Variants in RBFOX1 observed in about 807,000 individuals in gnomAD.
RBFOX1 encodes RNA binding fox-1 homolog 1.
RBFOX1 carries 8 observed loss-of-function variants against 57.7 expected under a neutral mutation model. That is an observed-to-expected ratio of 0.14 (90% CI 0.08 to 0.25). The LOEUF (loss-of-function observed/expected upper bound fraction) is 0.25. Ranked by LOEUF, RBFOX1 falls within the 10% of genes least tolerant of loss-of-function variation. The pLI, the probability that RBFOX1 is intolerant of heterozygous loss-of-function variation, is 1.00. For missense variants in RBFOX1, 611 were observed against 548.5 expected (o/e 1.11, Z -1.14); for synonymous variants, 326 against 222.4 (o/e 1.47, Z -4.15).
intron 2 of RBFOX1, among the ~76,000 whole-genome samples, chr16:6,405,469 G>A (rs1891332): frequency 0.22 from 33,161 of 152,002 alleles, 6,350 homozygotes; most frequent in African/African-American, 0.51. Flanking sequence ...GTATCATCTG[G>A]ACACACAACT....
At chr16:6,069,450 C>T (rs965286605) in intron 1 of RBFOX1, among the ~76,000 whole-genome samples, 1 of 149,290 alleles carries the variant, frequency 6.7e-6, no homozygotes, top group Non-Finnish European at 1.5e-5. Context: ...GAGAGAAGAA[C>T]CACCCTACTA....
In RBFOX1 at chr16:6,759,644, T is replaced by C. The variant is rs138840804; in HGVS notation, c.-16+104994T>C. Among the ~76,000 whole-genome samples the C allele has an allele frequency of 2.0e-3, 303 of 152,292 alleles. 1 individual carries two copies. Among genetic ancestry groups the C allele is most frequent in the African/African-American group, 7.1e-3 (296 of 41,570 alleles). On this transcript the variant is annotated intron_variant, in intron 3 of 15. Coordinates refer to ENST00000550418, the MANE Select transcript of RBFOX1 (RefSeq NM_018723.4). The stretch of plus-strand genomic sequence containing the variant: ...TAGCATGTAGGGATTTATTTAGGTC[T>C]ATTACTTGTTTTCACTTTCTCTTTG...
At chr16:7,314,133 A>G (rs921498522) in intron 4 of RBFOX1, among the ~76,000 whole-genome samples, 6 of 152,142 alleles carry the variant, frequency 3.9e-5, no homozygotes, top group African/African-American at 1.4e-4. Context: ...AGGGGAAAGA[A>G]CGAGGCTGTG....
intron 3 of RBFOX1, among the ~76,000 whole-genome samples, chr16:6,976,155 C>G (rs573494676): frequency 1.3e-5 from 2 of 152,004 alleles, no homozygotes; most frequent in African/African-American, 4.8e-5. Context: ...AACAAAAAAA[C>G]TAGCATTAAC....
At chr16:5,559,951 T>G (rs1031174370) in intron 2 of RBFOX1, among the ~76,000 whole-genome samples, 1 of 152,178 alleles carries the variant, frequency 6.6e-6, no homozygotes, top group Non-Finnish European at 1.5e-5. Flanking sequence ...ACAGGATCTG[T>G]TTTTATCTGG....
At position 7,537,903 on chromosome 16, in the gene RBFOX1, A is replaced by G. The variant is rs186667121; in HGVS notation, c.270+19514A>G. Among the ~76,000 whole-genome samples, 6 of 152,342 alleles carry G rather than the reference A, an allele frequency of 3.9e-5. No individual in the cohort carries two copies. In the East Asian group the frequency reaches 1.2e-3, roughly 29 times the overall value. ...GAGGGGAAATCCGTGGTATTTTTAAACAATGGAAATGAGAGAATCTGCCTT... is the reference window on the plus strand; with the variant it reads ...GAGGGGAAATCCGTGGTATTTTTAAGCAATGGAAATGAGAGAATCTGCCTT... On this transcript the variant is annotated intron_variant, in intron 5 of 15. Coordinates refer to ENST00000550418, the MANE Select transcript of RBFOX1 (RefSeq NM_018723.4).
At chr16:5,877,232 ACGCATT>A (rs2057636250) in intron 4 of RBFOX1, among the ~76,000 whole-genome samples, 1 of 152,276 alleles carries the variant, frequency 6.6e-6, no homozygotes. Flanking sequence ...TGGAGGGGTC[ACGCATT>A]TATTCAGAAA....
intron 4 of RBFOX1, among the ~76,000 whole-genome samples, chr16:7,272,170 T>A (rs1356932135): frequency 6.6e-6 from 1 of 152,194 alleles, no homozygotes; most frequent in African/African-American, 2.4e-5. Flanking sequence ...AGATTACTCT[T>A]TGCTTGACCA....
At chr16:7,594,550 G>T (rs796341979) in intron 7 of RBFOX1, among the ~76,000 whole-genome samples, 1 of 152,158 alleles carries the variant, frequency 6.6e-6, no homozygotes, top group Non-Finnish European at 1.5e-5. Context: ...GACAAAATAC[G>T]GATTTTGACA....
chr16:5,478,019 G>C (rs2069392619), intron 2 of RBFOX1, among the ~76,000 whole-genome samples: 1 of 151,904 alleles, frequency 6.6e-6, no homozygotes, highest in African/African-American at 2.4e-5. Context: ...TGTTTTGGCA[G>C]CTCAGTAGGG....
intron 10 of RBFOX1, among the ~76,000 whole-genome samples, chr16:7,613,759 G>A (rs938647885): frequency 6.6e-6 from 1 of 151,916 alleles, no homozygotes; most frequent in Admixed American, 6.6e-5. Context: ...TTACCGTTAA[G>A]AGAATGACTT....
intron 3 of RBFOX1, among the ~76,000 whole-genome samples, chr16:5,771,510 A>T (rs910352843): frequency 6.6e-6 from 1 of 152,130 alleles, no homozygotes; most frequent in African/African-American, 2.4e-5. Context: ...CTGGGTTCAC[A>T]TGATTCTTAT....
chr16:6,665,893 A>C (rs867145018), intron 3 of RBFOX1, among the ~76,000 whole-genome samples: 23 of 152,190 alleles, frequency 1.5e-4, no homozygotes, highest in Middle Eastern at 3.4e-3. Context: ...CCACGTCCCC[A>C]CCCAAATCTC....
chr16:7,462,382 C>A (rs896873273), intron 4 of RBFOX1, among the ~76,000 whole-genome samples: 6 of 152,170 alleles, frequency 3.9e-5, no homozygotes, highest in African/African-American at 1.4e-4. Flanking sequence ...TTAATCCCAG[C>A]TACTCAGGGG....
Position 7,544,341 on chromosome 16 carries a change from G to T in RBFOX1, c.270+25952G>T, listed in dbSNP as rs186034165. ...TAAAATGGGCTTGATTTAATGTACT[G>T]AGTGAATTAGTGTCCCCCCAAATTT... On this transcript the variant is annotated intron_variant, in intron 5 of 15. Coordinates refer to ENST00000550418, the MANE Select transcript of RBFOX1 (RefSeq NM_018723.4). Among the ~76,000 whole-genome samples, 8 of 152,300 alleles carry T rather than the reference G, an allele frequency of 5.3e-5. No homozygotes were observed. In the South Asian group the frequency reaches 6.2e-4, roughly 12 times the overall value.
intron 3 of RBFOX1, among the ~76,000 whole-genome samples, chr16:6,712,744 G>A (rs1389184683): frequency 6.6e-6 from 1 of 152,078 alleles, no homozygotes; most frequent in Non-Finnish European, 1.5e-5. Flanking sequence ...TCACCTGGCA[G>A]CTGGACTATA....
chr16:6,006,174 G>A lies in RBFOX1; in HGVS notation c.351+138839G>A, dbSNP rs576979290. On this transcript the variant is annotated intron_variant, in intron 4 of 19. Coordinates refer to the RBFOX1 transcript ENST00000641259. Reference sequence around the variant, plus strand: ...TATAACTTTGCTGGTAATAGCACCCGGTTTCCTACGGGGAAATCACCTCTC... The same window carrying A: ...TATAACTTTGCTGGTAATAGCACCCAGTTTCCTACGGGGAAATCACCTCTC... Among the ~76,000 whole-genome samples, 13 of 152,236 alleles carry A rather than the reference G, an allele frequency of 8.5e-5. No homozygotes were observed. The East Asian group carries it at 1.2e-3, about 14-fold the overall frequency.
intron 4 of RBFOX1, among the ~76,000 whole-genome samples, chr16:7,107,829 A>G (rs2063884424): frequency 6.6e-6 from 1 of 152,132 alleles, no homozygotes. Context: ...GATCTTAAAC[A>G]TCTCTAACAA....
chr16:6,383,323 C>G (rs906383215), intron 2 of RBFOX1, among the ~76,000 whole-genome samples: 1 of 152,156 alleles, frequency 6.6e-6, no homozygotes, highest in Non-Finnish European at 1.5e-5. Flanking sequence ...TGTCAGAAAA[C>G]CTATGCAGGA....
Sources: gnomAD v4.1 joint callset for allele counts (sites outside exome capture counted in the v4.1 genomes callset) on GRCh38, gnomAD v4.1.1 for gene constraint, MANE v1.5 for transcripts, NCBI Gene and HGNC (gene_info 2026-07-23, HGNC 2026-07-21) for gene names.